The following FAM20C variants were observed in gnomAD, a reference collection of about 807,000 sequenced individuals.
FAM20C encodes the protein extracellular serine/threonine protein kinase FAM20C.
FAM20C carries 40 observed loss-of-function variants against 51.5 expected under a neutral mutation model. That is an observed-to-expected ratio of 0.78 (90% CI 0.60 to 1.01). FAM20C has a LOEUF of 1.01. Among genes scored for constraint, FAM20C ranks in the 50% least tolerant of loss-of-function variants. FAM20C has a pLI of 0.00. For synonymous variants in FAM20C, 406 were observed against 380.6 expected, an observed-to-expected ratio of 1.07 and a Z score of -0.78; for missense variants, 861 against 844.7, an observed-to-expected ratio of 1.02 and a Z score of -0.24.
rs530678596 is a variant in FAM20C, at chr7:206,174, A to G, written c.785-2724A>G. On this transcript the variant is annotated intron_variant, in intron 2 of 9. Transcript: ENST00000313766. Reference sequence around the variant, plus strand: ...TGGCCGTCCCCCTGCTCCACATCCCACGTCACTCCACCAGATACCTCTCAG... The same window carrying G: ...TGGCCGTCCCCCTGCTCCACATCCCGCGTCACTCCACCAGATACCTCTCAG... 2.0e-5 allele frequency among the ~76,000 whole-genome samples: 3 copies of G among 151,510 alleles called. No individual in the cohort carries two copies. In the South Asian group the frequency reaches 6.3e-4, roughly 32 times the overall value.
chr7:230,374 G>GT (rs1465855061), intron 3 of FAM20C, among the ~76,000 whole-genome samples: 1 of 97,644 alleles, frequency 1.0e-5, no homozygotes, highest in Non-Finnish European at 2.2e-5. Context: ...GGACGGGGTG[G>GT]GGGGGGGGGG....
chr7:254,995 G>A (rs897734147), intron 5 of FAM20C, among the ~76,000 whole-genome samples: 5 of 152,248 alleles, frequency 3.3e-5, no homozygotes, highest in African/African-American at 9.6e-5. Flanking sequence ...CTCCTCTCTT[G>A]ATGGACATTT....
intron 3 of FAM20C, among the ~76,000 whole-genome samples, chr7:224,222 C>A (rs1371440740): frequency 3.0e-4 from 40 of 134,410 alleles, no homozygotes; most frequent in African/African-American, 8.8e-4. Context: ...TCCCCTGAGC[C>A]TTCTCTCACG....
In FAM20C at chr7:222,666, G is replaced by T. The variant is rs138082098; in HGVS notation, c.863+13690G>T. The stretch of plus-strand genomic sequence containing the variant: ...AGGGGCCCTGAGGTGCCAACCAAAG[G>T]CTGGAGAGCAGCCCAGCACAAGGGG... On this transcript the variant is annotated intron_variant, in intron 3 of 9. Transcript: ENST00000313766. 2.8e-3 allele frequency among the ~76,000 whole-genome samples: 428 copies of T among 152,278 alleles called. 5 individuals carry two copies. Among genetic ancestry groups the T allele is most frequent in the African/African-American group, 9.4e-3 (389 of 41,538 alleles).
At chr7:210,768 G>A (rs762127007) in intron 3 of FAM20C, among the ~76,000 whole-genome samples, 44 of 152,112 alleles carry the variant, frequency 2.9e-4, no homozygotes, top group Non-Finnish European at 4.4e-4. Context: ...TTCATGGTCC[G>A]TGTGAATCCT....
intron 2 of FAM20C, among the ~76,000 whole-genome samples, chr7:204,754 A>G (rs1056419471): frequency 1.2e-4 from 18 of 152,090 alleles, no homozygotes; most frequent in African/African-American, 3.6e-4. Context: ...GAGTCCCCAC[A>G]TTGCCACTGT....
At position 256,020 on chromosome 7, in the gene FAM20C, A is replaced by G. The variant is rs1562399486; in HGVS notation, c.1244A>G (p.Lys415Arg). Residue 415 changes from lysine (K) to arginine (R), a missense_variant, in exon 6 of 10, where the codon AAG (lysine) becomes AGG (arginine). This residue lies in a region of FAM20C where 269 missense variants were observed against 283.8 expected (regional missense o/e 0.95). Transcript: ENST00000313766. ...TGGCGGCGTTCCTACCACAAGCGCAAGAAGGCCGAGTGAGTGCGGGGCCGG... is the reference window on the plus strand; with the variant it reads ...TGGCGGCGTTCCTACCACAAGCGCAGGAAGGCCGAGTGAGTGCGGGGCCGG... ...NPWRRSYHKR[K>R]KAEWEVDPDY... 1 of 1,535,646 alleles carries G rather than the reference A, an allele frequency of 6.5e-7. No individual in the cohort carries two copies. Among genetic ancestry groups the G allele is most frequent in the Admixed American group, 2.0e-5 (1 of 50,952 alleles).
At chr7:199,948 G>A (rs1438023847) in intron 2 of FAM20C, among the ~76,000 whole-genome samples, 2 of 152,252 alleles carry the variant, frequency 1.3e-5, no homozygotes, top group Non-Finnish European at 2.9e-5. Flanking sequence ...GACAAAGACT[G>A]TGGTTGGGAG....
chr7:257,186 C>G, intron 8 of FAM20C, 100 bp downstream of exon 8: 1 of 1,134,534 alleles, frequency 8.8e-7, no homozygotes, highest in Non-Finnish European at 1.3e-6. Context: ...AGCAGACCCT[C>G]CAGTGGAGGG....
chr7:233,854 G>A (rs1787772252), intron 3 of FAM20C, among the ~76,000 whole-genome samples: 1 of 152,246 alleles, frequency 6.6e-6, no homozygotes, highest in Admixed American at 6.5e-5. Context: ...TCCTACTTTA[G>A]TATGAATAAC....
chr7:194,029 T>TTCCTCACCAGCAGCCACAGG, intron 1 of FAM20C: 1 of 632,782 alleles, frequency 1.6e-6, no homozygotes, highest in Non-Finnish European at 2.4e-6. Context: ...GCCCTGTGGC[T>TTCCTCACCAGCAGCCACAGG]GCTGGTGAGG....
chr7:199,475 G>A (rs114519399), intron 2 of FAM20C, among the ~76,000 whole-genome samples: 1 of 152,378 alleles, frequency 6.6e-6, no homozygotes, highest in African/African-American at 2.4e-5. Context: ...CCCCTCAGCT[G>A]TCCGGCCCCT....
intron 8 of FAM20C, among the ~76,000 whole-genome samples, chr7:257,940 TGCCCG>T: frequency 7.7e-6 from 1 of 129,264 alleles, no homozygotes; most frequent in East Asian, 2.4e-4. Flanking sequence ...GTGCTGGAGA[TGCCCG>T]GGGTGGACCC....
rs1027189636 is a variant in FAM20C, at chr7:231,413, G to C, written c.864-15002G>C. 5.6e-4 allele frequency among the ~76,000 whole-genome samples: 81 copies of C among 144,766 alleles called. 1 individual carries two copies. Among genetic ancestry groups the C allele is most frequent in the African/African-American group, 2.0e-3 (76 of 38,230 alleles). 95.0% of individuals were successfully genotyped at this position (144,766 alleles called of 152,430 possible). A position where few individuals can be genotyped will look rare whatever the true frequency, so the allele number is the denominator to read the frequency against. ...GAGGAGGGTCCCGGCGTCGAGGGCCGCGTGGGAGGAGGGTCCTGGCGTGGA... is the reference window on the plus strand; with the variant it reads ...GAGGAGGGTCCCGGCGTCGAGGGCCCCGTGGGAGGAGGGTCCTGGCGTGGA... On this transcript the variant is annotated intron_variant, in intron 3 of 9. Coordinates refer to ENST00000313766, the MANE Select transcript of FAM20C (RefSeq NM_020223.4).
intron 3 of FAM20C, among the ~76,000 whole-genome samples, chr7:245,722 G>C (rs1788125758): frequency 6.6e-6 from 1 of 152,218 alleles, no homozygotes; most frequent in African/African-American, 2.4e-5. Context: ...GGGCCCTGCG[G>C]CTAGGCTCCC....
chr7:228,793 G>A (rs894230694), intron 3 of FAM20C: 1 of 456,066 alleles, frequency 2.2e-6, no homozygotes, highest in Non-Finnish European at 4.4e-6. Flanking sequence ...GGCTCCTGCT[G>A]ACGGCATGAG....
At position 193,225 on chromosome 7, in the gene FAM20C, T is replaced by C; in HGVS notation, c.26T>C (p.Phe9Ser). ...ATGAAGATGATGCTGGTGCGCCGGT[T>C]CCGCGTGCTCATCCTGATGGTGTTC... is the stretch of plus-strand genomic sequence containing the variant. MKMMLVRR[F>S]RVLILMVFLV... Residue 9 changes from phenylalanine to serine, a missense_variant, in exon 1 of 10, where the codon TTC (phenylalanine) becomes TCC (serine). Phe to Ser is a radical substitution (Grantham distance 155). Around this residue, in one of 3 missense-constraint regions of FAM20C, gnomAD observed 561 missense variants for 499.8 expected, o/e 1.12. Transcript: ENST00000313766. 1 of 1,463,666 alleles carries C rather than the reference T, an allele frequency of 6.8e-7. No homozygotes were observed. Among genetic ancestry groups the C allele is most frequent in the Non-Finnish European group, 9.1e-7 (1 of 1,102,920 alleles). The allele number at this position is 1,463,666 out of a possible 1,614,324, so 90.7% of individuals were successfully genotyped here. A position where few individuals can be genotyped will look rare whatever the true frequency, so the allele number is the denominator to read the frequency against.
chr7:228,249 C>T (rs757927780), intron 3 of FAM20C: 2 of 334,404 alleles, frequency 6.0e-6, no homozygotes, highest in East Asian at 7.6e-5. Flanking sequence ...GGTCAGTAGG[C>T]GACCCCTGCC....
intron 3 of FAM20C, among the ~76,000 whole-genome samples, chr7:227,203 G>A (rs569542108): frequency 2.0e-5 from 3 of 152,146 alleles, no homozygotes; most frequent in South Asian, 4.2e-4. Flanking sequence ...ACGGTCGCCG[G>A]GGTGCCGCTA....
Sources: gnomAD v4.1 joint callset for allele counts (sites outside exome capture counted in the v4.1 genomes callset) on GRCh38, gnomAD v4.1.1 for gene constraint, gnomAD v4.1.1 regional missense constraint, MANE v1.5 for transcripts, NCBI Gene and HGNC (gene_info 2026-07-23, HGNC 2026-07-21) for gene names.